Variants in SEMA4B observed in about 807,000 individuals in gnomAD.
SEMA4B encodes semaphorin 4B.
Under a neutral mutation model 88.1 loss-of-function variants are expected in SEMA4B, and 55 were observed. The observed-to-expected ratio is 0.62, with a 90% CI of 0.50 to 0.78. The LOEUF (loss-of-function observed/expected upper bound fraction) is 0.78. SEMA4B is among the 30% of genes least tolerant of loss of function. SEMA4B has a pLI of 0.00. For synonymous variants in SEMA4B, 525 were observed against 473.6 expected, an observed-to-expected ratio of 1.11 and a Z score of -1.41; for missense variants, 1,062 against 1,111.9, an observed-to-expected ratio of 0.96 and a Z score of 0.64.
intron 1 of SEMA4B, chr15:90,217,036 G>A (rs757810053): frequency 6.9e-5 from 11 of 159,376 alleles, no homozygotes; most frequent in Non-Finnish European, 1.5e-4. Flanking sequence ...TAGTTTGCTT[G>A]ATATTTTGAC....
Position 90,228,180 on chromosome 15 carries a change from A to T in SEMA4B, c.2051A>T (p.Asp684Val), listed in dbSNP as rs1962283247. ...VVEDGVADQT[D>V]EGGSVPVIIS... ...GAGGACGGGGTGGCAGACCAAACAG[A>T]TGAGGGTGGCAGTGTACCCGTCATT... Residue 684 changes from aspartate (D) to valine (V), a missense_variant, in exon 14 of 14, where the codon GAT becomes GTT. Transcript: ENST00000411539. 1 of 1,610,394 alleles carries T rather than the reference A, an allele frequency of 6.2e-7. No homozygotes were observed. The highest frequency in any genetic ancestry group is 8.5e-7 in the Non-Finnish European group (1 of 1,178,442).
In SEMA4B at chr15:90,208,523, G is replaced by C. The variant is rs184368985; in HGVS notation, c.157+6788G>C. Among the ~76,000 whole-genome samples the C allele has an allele frequency of 1.3e-4, 20 of 152,296 alleles. No homozygotes were observed. In the East Asian group the frequency reaches 2.9e-3, roughly 22 times the overall value. On this transcript the variant is annotated intron_variant, in intron 1 of 13. Coordinates refer to ENST00000411539, the MANE Select transcript of SEMA4B (RefSeq NM_198925.4). ...GTCACTGACCCCTAATCTTTGCAGA[G>C]CTTTGCACTGCCACGTACTGTGTTT...
At chr15:90,223,808 C>T in intron 8 of SEMA4B, 30 bp from the exon 9 acceptor site, 2 of 1,610,524 alleles carry the variant, frequency 1.2e-6, no homozygotes, top group Non-Finnish European at 1.7e-6. Flanking sequence ...CCCCAGGGCT[C>T]CTGGGTTAAT....
intron 1 of SEMA4B, 138 bp from the exon 2 acceptor site, chr15:90,217,301 C>A: frequency 1.3e-6 from 1 of 760,302 alleles, no homozygotes; most frequent in Non-Finnish European, 2.1e-6. Flanking sequence ...ACCTGATCCC[C>A]CTGCCCCCAG....
upstream of SEMA4B, among the ~76,000 whole-genome samples, chr15:90,199,660 A>C (rs1370081744): frequency 3.9e-5 from 6 of 152,114 alleles, no homozygotes; most frequent in Admixed American, 2.6e-4. Flanking sequence ...CCCTGTCTCT[A>C]TTAAAAATAC....
At chr15:90,227,749 CT>C in intron 13 of SEMA4B, 107 bp downstream of exon 13, 1 of 1,460,950 alleles carries the variant, frequency 6.8e-7, no homozygotes, top group Non-Finnish European at 9.4e-7. Context: ...TCCTTGCCCC[CT>C]ACCCCTGTAA....
chr15:90,218,350 GGTGCTGGGTAAGGTGAGGGCAAACGA>G (rs1160316982), intron 3 of SEMA4B, among the ~76,000 whole-genome samples: 1 of 152,256 alleles, frequency 6.6e-6, no homozygotes, highest in East Asian at 1.9e-4. Context: ...AAGTGCAGCA[GGTGCTGGGTAAGGTGAGGGCAAACGA>G]GTGCTGGACT....
rs1367184051 is a variant in SEMA4B at position 90,201,637 on chromosome 15, C to T, written c.59C>T (p.Pro20Leu). The part of the protein sequence containing the change: ...SWLAAPWGAL[P>L]PRPPLLLLLL... Reference sequence around the variant, plus strand: ...CTCGCCGCCCCATGGGGCGCGCTGCCGCCTCGGCCACCGCTGCTGCTGCTC... The same window carrying T: ...CTCGCCGCCCCATGGGGCGCGCTGCTGCCTCGGCCACCGCTGCTGCTGCTC... The change falls in exon 1 of 14, where the codon CCG becomes CTG. Residue 20 changes from proline to leucine, a missense_variant. Pro to Leu is a moderately conservative substitution (Grantham distance 98). Coordinates refer to ENST00000411539, the MANE Select transcript of SEMA4B (RefSeq NM_198925.4). 4.6e-6 allele frequency: 7 copies of T among 1,517,070 alleles called. No individual in the cohort carries two copies. Among genetic ancestry groups the T allele is most frequent in the Non-Finnish European group, 6.1e-6 (7 of 1,140,130 alleles). The allele number at this position is 1,517,070 out of a possible 1,614,324, so 94.0% of individuals were successfully genotyped here.
At chr15:90,197,566 T>C (rs1189069659), upstream of SEMA4B, among the ~76,000 whole-genome samples, 2 of 151,120 alleles carry the variant, frequency 1.3e-5, no homozygotes, top group African/African-American at 4.9e-5. Flanking sequence ...GCCTCCCGAG[T>C]AGCTGGGACT....
chr15:90,213,349 A>G (rs1000516913), intron 1 of SEMA4B, among the ~76,000 whole-genome samples: 27 of 152,236 alleles, frequency 1.8e-4, no homozygotes, highest in South Asian at 4.1e-4. Flanking sequence ...AGATGAGGCA[A>G]GTGTGGAAGG....
chr15:90,201,366 G>A lies in SEMA4B; in HGVS notation c.-213G>A, dbSNP rs1267413529. 8.0e-7 allele frequency: 1 copy of A among 1,248,752 alleles called. No individual in the cohort carries two copies. The highest frequency in any genetic ancestry group is 1.0e-6 in the Non-Finnish European group (1 of 996,752). The allele number at this position is 1,248,752 out of a possible 1,614,324, so 77.4% of individuals were successfully genotyped here. A position where few individuals can be genotyped will look rare whatever the true frequency, so the allele number is the denominator to read the frequency against. ...AGCTCTGCCCAAGCCGAGGCTGCGGGGCCGGCGCCGGCGGGAGGACTGCGG... is the reference window on the plus strand; with the variant it reads ...AGCTCTGCCCAAGCCGAGGCTGCGGAGCCGGCGCCGGCGGGAGGACTGCGG... On this transcript the variant is annotated 5_prime_UTR_variant, in exon 1 of 14. Coordinates refer to ENST00000411539, the MANE Select transcript of SEMA4B (RefSeq NM_198925.4).
At chr15:90,204,483 TGGCCAGTAGGGAGAGGAGGATGAG>T (rs1960896975) in intron 1 of SEMA4B, among the ~76,000 whole-genome samples, 2 of 152,092 alleles carry the variant, frequency 1.3e-5, no homozygotes, top group Non-Finnish European at 2.9e-5. Flanking sequence ...CCTCGCCCAG[TGGCCAGTAGGGAGAGGAGGATGAG>T]GGGACAGCCA....
At chr15:90,223,502 C>T in intron 7 of SEMA4B, 57 bp from the exon 8 acceptor site, 1 of 1,467,008 alleles carries the variant, frequency 6.8e-7, no homozygotes, top group Non-Finnish European at 9.1e-7. Flanking sequence ...CTGTGCCGTG[C>T]ATCCCCGTCA....
At position 90,201,495 on chromosome 15, in the gene SEMA4B, G is replaced by A; in HGVS notation, c.-84G>A. ...GGGCCCCCGGGGCGACTCGGGGGCG[G>A]ACCGCGGGGCGGAGCTGCCGCCCGT... On this transcript the variant is annotated 5_prime_UTR_variant, in exon 1 of 14. Transcript: ENST00000411539. 7.6e-7 allele frequency: 1 copy of A among 1,313,410 alleles called. No homozygotes were observed. The highest frequency in any genetic ancestry group is 9.7e-7 in the Non-Finnish European group (1 of 1,034,598). 81.4% of individuals were successfully genotyped at this position (1,313,410 alleles called of 1,614,324 possible).
intron 1 of SEMA4B, chr15:90,193,666 C>T (rs1346202844): frequency 1.3e-5 from 2 of 152,160 alleles, no homozygotes; most frequent in East Asian, 1.9e-4. Flanking sequence ...AAAGCAGCCC[C>T]ACTGCCATTT....
intron 1 of SEMA4B, among the ~76,000 whole-genome samples, chr15:90,215,744 G>A (rs575975457): frequency 1.3e-4 from 20 of 152,204 alleles, no homozygotes; most frequent in Admixed American, 6.5e-4. Flanking sequence ...CCTGGAAGGC[G>A]GAGGTTGCGG....
intron 1 of SEMA4B, among the ~76,000 whole-genome samples, chr15:90,203,112 C>T (rs1477792227): frequency 1.3e-5 from 2 of 152,204 alleles, no homozygotes; most frequent in African/African-American, 4.8e-5. Flanking sequence ...TTTGAAAAGT[C>T]GTTAGGACAG....
At chr15:90,198,488 A>G (rs1214092141), upstream of SEMA4B, among the ~76,000 whole-genome samples, 1 of 152,220 alleles carries the variant, frequency 6.6e-6, no homozygotes, top group Non-Finnish European at 1.5e-5. Context: ...TAACTAATAT[A>G]TCGTATGTTA....
At position 90,229,114 on chromosome 15, in the gene SEMA4B, CCCTGT is replaced by C. The variant is rs1351924844; in HGVS notation, c.*473_*477del. On this transcript the variant is annotated 3_prime_UTR_variant, in exon 14 of 14. Coordinates refer to ENST00000411539, the MANE Select transcript of SEMA4B (RefSeq NM_198925.4). Reference sequence around the variant, plus strand: ...CACATTATCCCGCTGCCACCGGCTGCCCTGTCTCACTGCAGATTCAGGACCAGCTT... The same window carrying C: ...CACATTATCCCGCTGCCACCGGCTGCCTCACTGCAGATTCAGGACCAGCTT... The C allele has an allele frequency of 5.6e-6, 2 of 356,108 alleles. No individual in the cohort carries two copies. The highest frequency in any genetic ancestry group is 2.1e-5 in the South Asian group (1 of 48,182). 22.1% of individuals were successfully genotyped at this position (356,108 alleles called of 1,614,324 possible). A position where few individuals can be genotyped will look rare whatever the true frequency, so the allele number is the denominator to read the frequency against.
Sources: allele counts gnomAD v4.1 joint callset (sites outside exome capture counted in the v4.1 genomes callset), GRCh38; gene constraint gnomAD v4.1.1; transcripts MANE v1.5; gene names NCBI Gene and HGNC (gene_info 2026-07-23, HGNC 2026-07-21).